Variants in ANO3 observed in about 807,000 individuals in gnomAD.
ANO3 encodes the protein anoctamin-3.
Under a neutral mutation model 144.8 loss-of-function variants are expected in ANO3, and 99 were observed. The observed-to-expected ratio is 0.68, with a 90% CI of 0.58 to 0.81. ANO3 has a LOEUF of 0.81. Ranked by LOEUF, ANO3 falls within the 30% of genes least tolerant of loss-of-function variation. The probability of loss-of-function intolerance (pLI) is 0.00; values close to 1 mark genes in which losing one functional copy is unlikely to be tolerated. For synonymous variants in ANO3, 414 were observed against 392.6 expected, an observed-to-expected ratio of 1.05 and a Z score of -0.64; for missense variants, 905 against 1,202.2, an observed-to-expected ratio of 0.75 and a Z score of 3.66.
chr11:26,324,658 T>C (rs1185302661), intron 1 of ANO3, among the ~76,000 whole-genome samples: 1 of 152,228 alleles, frequency 6.6e-6, no homozygotes. Context: ...GTGAACACTT[T>C]ATTTTAAGGG....
chr11:26,257,029 A>G (rs1853074133), intron 1 of ANO3, among the ~76,000 whole-genome samples: 1 of 152,080 alleles, frequency 6.6e-6, no homozygotes, highest in Admixed American at 6.6e-5. Context: ...TGCAGATCAA[A>G]ATTGTCTGAT....
intron 1 of ANO3, among the ~76,000 whole-genome samples, chr11:26,267,293 T>C (rs74437012): frequency 0.02 from 2,983 of 152,170 alleles, 58 homozygotes; most frequent in East Asian, 0.12. Context: ...TCTTTGAAAG[T>C]ATGTATGCAG....
chr11:26,526,779 A>G (rs1274368878), intron 7 of ANO3, among the ~76,000 whole-genome samples: 1 of 152,160 alleles, frequency 6.6e-6, no homozygotes, highest in Non-Finnish European at 1.5e-5. Flanking sequence ...GATGCTCTTC[A>G]ACCGAGTCAC....
chr11:26,367,412 C>T (rs1856123739), intron 1 of ANO3, among the ~76,000 whole-genome samples: 1 of 152,104 alleles, frequency 6.6e-6, no homozygotes, highest in African/African-American at 2.4e-5. Context: ...CATCTGAGAC[C>T]TCCTCAACCC....
chr11:26,599,160 G>A (rs1034628662), intron 16 of ANO3, among the ~76,000 whole-genome samples, 162 bp downstream of exon 16: 17 of 152,266 alleles, frequency 1.1e-4, no homozygotes, highest in African/African-American at 4.1e-4. Flanking sequence ...AACAGGTTAT[G>A]GAGATTTTAC....
At chr11:26,384,506 T>C (rs1856672090) in intron 1 of ANO3, among the ~76,000 whole-genome samples, 1 of 152,136 alleles carries the variant, frequency 6.6e-6, no homozygotes, top group African/African-American at 2.4e-5. Context: ...AATGAAAATC[T>C]TTCAAAGTTA....
At chr11:26,328,575 T>C (rs1180664393), upstream of ANO3, among the ~76,000 whole-genome samples, 1 of 152,050 alleles carries the variant, frequency 6.6e-6, no homozygotes, top group Non-Finnish European at 1.5e-5. Flanking sequence ...GAATAAAAAG[T>C]CTCCCAGTGA....
intron 1 of ANO3, among the ~76,000 whole-genome samples, chr11:26,292,804 C>G (rs1307408282): frequency 1.3e-5 from 2 of 152,170 alleles, no homozygotes; most frequent in African/African-American, 4.8e-5. Context: ...GAAGCTTCAT[C>G]TCAGAGGGGC....
At chr11:26,472,949 T>G (rs532431980) in intron 4 of ANO3, among the ~76,000 whole-genome samples, 2 of 152,072 alleles carry the variant, frequency 1.3e-5, no homozygotes, top group African/African-American at 4.8e-5. Context: ...AAACTAATTC[T>G]TGTTTTGTTT....
chr11:26,228,647 G>T (rs76998363), intron 1 of ANO3, among the ~76,000 whole-genome samples: 2,438 of 152,314 alleles, frequency 0.016, 85 homozygotes, highest in African/African-American at 0.056. Flanking sequence ...ACCACAGAAA[G>T]TTCTGAAACA....
chr11:26,417,809 G>A (rs1020908809), intron 1 of ANO3, among the ~76,000 whole-genome samples: 1 of 151,770 alleles, frequency 6.6e-6, no homozygotes, highest in Non-Finnish European at 1.5e-5. Context: ...AAGAGTAGGT[G>A]GCTAATAATA....
chr11:26,529,144 TAATA>T lies in ANO3; in HGVS notation c.738-2059_738-2056del, dbSNP rs1565081547. 1.2e-3 allele frequency among the ~76,000 whole-genome samples: 2 copies of T among 1,694 alleles called. 1 individual carries two copies. The highest frequency in any genetic ancestry group is 1.3e-3 in the African/African-American group (2 of 1,508). 1.1% of individuals were successfully genotyped at this position (1,694 alleles called of 152,430 possible). ...TATATTATATATAATATATATTATA[TAATA>T]ATATATATTATATATAATATATATT... On this transcript the variant is annotated intron_variant, in intron 7 of 26. Coordinates refer to ENST00000256737, the MANE Select transcript of ANO3 (RefSeq NM_031418.4).
At chr11:26,615,418 T>A (rs78866580) in intron 17 of ANO3, among the ~76,000 whole-genome samples, 19,154 of 122,080 alleles carry the variant, frequency 0.16, 1,531 homozygotes, top group Non-Finnish European at 0.2. Context: ...ATATATATTT[T>A]TTTTTTTTCA....
rs567480649 is a variant in ANO3 at position 26,652,255 on chromosome 11, G to A, written c.2577-3870G>A. 1.4e-4 allele frequency among the ~76,000 whole-genome samples: 22 copies of A among 152,160 alleles called. 1 individual carries two copies. Among genetic ancestry groups the A allele is most frequent in the Non-Finnish European group, 1.5e-5 (1 of 68,022 alleles). On this transcript the variant is annotated intron_variant, in intron 24 of 26. Coordinates refer to ENST00000256737, the MANE Select transcript of ANO3 (RefSeq NM_031418.4). ...TTTTATTTTTCTAGTCCATTTGCCCGTCTACTTTTTTAGAGAAGTTTGTCA... is the reference window on the plus strand; with the variant it reads ...TTTTATTTTTCTAGTCCATTTGCCCATCTACTTTTTTAGAGAAGTTTGTCA...
intron 1 of ANO3, among the ~76,000 whole-genome samples, chr11:26,240,847 T>C (rs1852648667): frequency 6.6e-6 from 1 of 152,206 alleles, no homozygotes; most frequent in South Asian, 2.1e-4. Context: ...TCAGACTCTC[T>C]TAATATTTTT....
intron 10 of ANO3, among the ~76,000 whole-genome samples, chr11:26,539,027 T>C (rs1246749519): frequency 1.3e-5 from 2 of 151,944 alleles, no homozygotes; most frequent in African/African-American, 2.4e-5. Flanking sequence ...TTACCAGTGG[T>C]CGAGGTTTGT....
At chr11:26,505,359 C>T (rs980398934) in intron 4 of ANO3, among the ~76,000 whole-genome samples, 2 of 152,122 alleles carry the variant, frequency 1.3e-5, no homozygotes, top group African/African-American at 4.8e-5. Flanking sequence ...GGACAATTAA[C>T]TTTGAGATGT....
chr11:26,548,083 T>C (rs1849835022), intron 12 of ANO3, among the ~76,000 whole-genome samples: 1 of 151,998 alleles, frequency 6.6e-6, no homozygotes, highest in East Asian at 1.9e-4. Context: ...CAACCTCCTC[T>C]ACTCTCCTGA....
chr11:26,501,888 G>C (rs979209387), intron 4 of ANO3, among the ~76,000 whole-genome samples: 1 of 152,152 alleles, frequency 6.6e-6, no homozygotes, highest in African/African-American at 2.4e-5. Flanking sequence ...CCATGTGAGA[G>C]GGTGGTATAA....
Sources: allele counts gnomAD v4.1 joint callset (sites outside exome capture counted in the v4.1 genomes callset), GRCh38; gene constraint gnomAD v4.1.1; transcripts MANE v1.5; gene names NCBI Gene and HGNC (gene_info 2026-07-23, HGNC 2026-07-21).